PITPNM2: variants seen among roughly 807,000 people sequenced by gnomAD.
PITPNM2 encodes the protein phosphatidylinositol transfer protein membrane associated 2, also known as membrane-associated phosphatidylinositol transfer protein 2.
Under a neutral mutation model 132.2 loss-of-function variants are expected in PITPNM2, and 35 were observed. The ratio of observed to expected loss-of-function variants is 0.26; its 90% confidence interval spans 0.20 to 0.35. The LOEUF (loss-of-function observed/expected upper bound fraction) is 0.35. Among genes scored for constraint, PITPNM2 ranks in the 10% least tolerant of loss-of-function variants. PITPNM2 has a pLI of 1.00. For missense variants in PITPNM2, 1,332 were observed against 1,912.0 expected, an observed-to-expected ratio of 0.70 and a Z score of 5.66; for synonymous variants, 738 against 799.2, an observed-to-expected ratio of 0.92 and a Z score of 1.29.
chr12:123,136,675 A>T (rs1489112080), intron 1 of PITPNM2, among the ~76,000 whole-genome samples: 2 of 152,136 alleles, frequency 1.3e-5, no homozygotes, highest in Non-Finnish European at 2.9e-5. Flanking sequence ...AGGTGGGTGG[A>T]TCACGAGGTC....
intron 11 of PITPNM2, 94 bp from the exon 12 acceptor site, chr12:122,997,004 C>A: frequency 8.1e-7 from 1 of 1,239,264 alleles, no homozygotes; most frequent in Non-Finnish European, 1.1e-6. Flanking sequence ...ATGGACTCAG[C>A]ATACGCTAGT....
intron 2 of PITPNM2, among the ~76,000 whole-genome samples, chr12:123,049,583 G>A (rs771929888): frequency 8.5e-5 from 13 of 152,150 alleles, no homozygotes; most frequent in Non-Finnish European, 1.6e-4. Context: ...AACCAGGTCT[G>A]GGCACAAATG....
At chr12:123,098,221 G>A (rs539767650) in intron 2 of PITPNM2, among the ~76,000 whole-genome samples, 8 of 152,202 alleles carry the variant, frequency 5.3e-5, no homozygotes, top group Admixed American at 1.3e-4. Context: ...CAGGCTCTGG[G>A]AGATGCTCTC....
chr12:123,014,120 C>T (rs765368443), intron 3 of PITPNM2, 78 bp from the exon 4 acceptor site: 3 of 1,501,082 alleles, frequency 2.0e-6, no homozygotes, highest in Non-Finnish European at 9.2e-7. Context: ...GAGACTGGGC[C>T]CAGGGGTGTG....
intron 2 of PITPNM2, among the ~76,000 whole-genome samples, chr12:123,109,662 C>A (rs1263908042): frequency 6.6e-6 from 1 of 152,184 alleles, no homozygotes; most frequent in Non-Finnish European, 1.5e-5. Flanking sequence ...AGCTTCCCAG[C>A]CAAGGCACAG....
intron 2 of PITPNM2, among the ~76,000 whole-genome samples, chr12:123,042,809 C>A (rs897805525): frequency 3.3e-5 from 5 of 152,142 alleles, no homozygotes; most frequent in African/African-American, 1.2e-4. Flanking sequence ...GCTCCCCAGG[C>A]CTCCCCTAAC....
rs117661936 is a variant in PITPNM2, at chr12:123,135,662, C to T, written c.-200+15091G>A. The stretch of plus-strand genomic sequence containing the variant: ...ATTTCATGTAACATAATGTCCTAAA[C>T]GTTCATCCATGTTATTCCACGTGGC... On this transcript the variant is annotated intron_variant, in intron 1 of 25. Coordinates refer to ENST00000320201, the MANE Select transcript of PITPNM2 (RefSeq NM_020845.3). 9.6e-4 allele frequency among the ~76,000 whole-genome samples: 146 copies of T among 152,296 alleles called. No individual in the cohort carries two copies. The East Asian group carries it at 0.013, about 13-fold the overall frequency.
At chr12:123,035,307 T>C (rs764891534) in intron 2 of PITPNM2, among the ~76,000 whole-genome samples, 1 of 152,242 alleles carries the variant, frequency 6.6e-6, no homozygotes, top group African/African-American at 2.4e-5. Flanking sequence ...AGTGTGCTCA[T>C]AGCCACCTCT....
intron 2 of PITPNM2, among the ~76,000 whole-genome samples, chr12:123,096,628 C>G (rs780400027): frequency 7.2e-5 from 11 of 152,150 alleles, no homozygotes; most frequent in Non-Finnish European, 1.5e-4. Context: ...AGGAGACAGC[C>G]ACAGGCCCGG....
chr12:123,070,223 G>C (rs1566277411), intron 2 of PITPNM2, among the ~76,000 whole-genome samples: 1 of 152,222 alleles, frequency 6.6e-6, no homozygotes, highest in African/African-American at 2.4e-5. Context: ...TCCACTGTGG[G>C]GAGCAGGGAC....
chr12:123,019,161 C>T (rs1177995556), intron 3 of PITPNM2, among the ~76,000 whole-genome samples: 1 of 152,056 alleles, frequency 6.6e-6, no homozygotes, highest in East Asian at 1.9e-4. Context: ...TGTGAATATA[C>T]CGAGAACCTT....
intron 1 of PITPNM2, among the ~76,000 whole-genome samples, chr12:123,122,416 C>T (rs983872426): frequency 6.6e-6 from 1 of 152,058 alleles, no homozygotes; most frequent in Admixed American, 6.6e-5. Context: ...GAGCCAAGAT[C>T]GTGTCATTGC....
chr12:123,017,242 G>A (rs778469651), intron 3 of PITPNM2, among the ~76,000 whole-genome samples: 20 of 150,648 alleles, frequency 1.3e-4, no homozygotes, highest in Non-Finnish European at 2.2e-4. Context: ...GTGTGGTGGC[G>A]CATGCCTGTA....
At chr12:123,132,226 G>A (rs764274648) in intron 1 of PITPNM2, among the ~76,000 whole-genome samples, 14 of 152,218 alleles carry the variant, frequency 9.2e-5, no homozygotes, top group Non-Finnish European at 1.3e-4. Context: ...GTGCACAAGC[G>A]TTGCAGAGAC....
chr12:123,129,478 A>G (rs562447578), intron 1 of PITPNM2, among the ~76,000 whole-genome samples: 170 of 151,804 alleles, frequency 1.1e-3, no homozygotes, highest in African/African-American at 3.9e-3. Context: ...GCTGAGGCAG[A>G]AGAATGGCGT....
intron 1 of PITPNM2, among the ~76,000 whole-genome samples, chr12:123,124,896 A>G (rs575505844): frequency 5.4e-4 from 82 of 152,216 alleles, no homozygotes; most frequent in Non-Finnish European, 9.7e-4. Flanking sequence ...TATCTAATTT[A>G]TCTTTAGAAT....
At chr12:123,060,404 C>G (rs2041195815) in intron 2 of PITPNM2, among the ~76,000 whole-genome samples, 1 of 152,166 alleles carries the variant, frequency 6.6e-6, no homozygotes, top group African/African-American at 2.4e-5. Context: ...CTAAGTTGAC[C>G]TAGCTCCTGA....
chr12:123,010,787 G>T (rs192082317), intron 5 of PITPNM2: 1 of 155,006 alleles, frequency 6.5e-6, no homozygotes, highest in South Asian at 2.0e-4. Flanking sequence ...ATAGATCTGA[G>T]GCTGAGAGGG....
chr12:123,151,610 C>T (rs1434681025), upstream of PITPNM2, among the ~76,000 whole-genome samples: 1 of 152,104 alleles, frequency 6.6e-6, no homozygotes, highest in Non-Finnish European at 1.5e-5. Flanking sequence ...AACGGCAGAG[C>T]CGGGAGCGCA....
Sources: allele counts gnomAD v4.1 joint callset (sites outside exome capture counted in the v4.1 genomes callset), GRCh38; gene constraint gnomAD v4.1.1; transcripts MANE v1.5; gene names NCBI Gene and HGNC (gene_info 2026-07-23, HGNC 2026-07-21).